OR7A5: variants seen among roughly 807,000 people sequenced by gnomAD.
The protein encoded by OR7A5 is olfactory receptor family 7 subfamily A member 5.
For missense variants in OR7A5, 319 were observed against 377.9 expected, an observed-to-expected ratio of 0.84 and a Z score of 1.29; for synonymous variants, 140 against 146.7, an observed-to-expected ratio of 0.95 and a Z score of 0.33.
chr19:14,831,476 G>T (rs10417499), intron 1 of OR7A5, among the ~76,000 whole-genome samples: 43,209 of 151,524 alleles, frequency 0.29, 6,741 homozygotes, highest in East Asian at 0.56. Flanking sequence ...ACAGAGTCTC[G>T]CTCTGTCGCC....
chr19:14,828,451 A>G (rs1220882337), intron 1 of OR7A5, among the ~76,000 whole-genome samples, 197 bp from the exon 2 acceptor site: 3 of 152,190 alleles, frequency 2.0e-5, no homozygotes, highest in Non-Finnish European at 4.4e-5. Flanking sequence ...AAGACAGCGT[A>G]CATTCTGCAG....
intron 1 of OR7A5, 73 bp from the exon 2 acceptor site, chr19:14,828,327 T>C: frequency 1.5e-6 from 2 of 1,360,876 alleles, no homozygotes; most frequent in Non-Finnish European, 2.0e-6. Context: ...ATACCATCAT[T>C]TATATTTTAT....
At position 14,827,326 on chromosome 19, in the gene OR7A5, A is replaced by G; in HGVS notation, c.916T>C (p.Leu306=). The part of the protein sequence containing the change: ...DIKRALGIHL[L]WGTMKGQFFK... Reference sequence around the variant, plus strand: ...AATTGCCCTTTCATTGTTCCCCACAACAAATGTATTCCCAGAGCCCTCTTT... The same window carrying G: ...AATTGCCCTTTCATTGTTCCCCACAGCAAATGTATTCCCAGAGCCCTCTTT... The change falls in exon 2 of 2, where the codon TTG becomes CTG. Residue 306 remains leucine (L), a synonymous_variant. Transcript: ENST00000322301. The G allele has an allele frequency of 6.3e-7, 1 of 1,580,752 alleles. No homozygotes were observed. The highest frequency in any genetic ancestry group is 8.6e-7 in the Non-Finnish European group (1 of 1,167,008).
chr19:14,827,697 T>C lies in OR7A5; in HGVS notation c.545A>G (p.Asn182Ser), dbSNP rs772801138. 1.9e-6 allele frequency: 3 copies of C among 1,614,022 alleles called. No homozygotes were observed. Among genetic ancestry groups the C allele is most frequent in the Non-Finnish European group, 1.7e-6 (2 of 1,180,030 alleles). The part of the protein sequence containing the change: ...LEIPHFFCEL[N>S]QVIQLACSDS... The stretch of plus-strand genomic sequence containing the variant: ...AGAACAAGCAAGTTGGATGACCTGA[T>C]TAAGTTCACAGAAAAAGTGGGGGAT... Residue 182 changes from asparagine to serine, a missense_variant, in exon 2 of 2, where the codon AAT becomes AGT. Asn to Ser is a conservative substitution (Grantham distance 46, BLOSUM62 1). Coordinates refer to ENST00000322301, the MANE Select transcript of OR7A5 (RefSeq NM_017506.2).
intron 1 of OR7A5, among the ~76,000 whole-genome samples, chr19:14,829,613 G>A (rs898662962): frequency 1.3e-5 from 2 of 152,166 alleles, no homozygotes; most frequent in Non-Finnish European, 2.9e-5. Context: ...GCAGAATAAG[G>A]GGACCTGGCT....
chr19:14,826,742 G>C lies in OR7A5; in HGVS notation c.*540C>G, dbSNP rs1240195514. On this transcript the variant is annotated 3_prime_UTR_variant, in exon 2 of 2. Coordinates refer to ENST00000322301, the MANE Select transcript of OR7A5 (RefSeq NM_017506.2). The stretch of plus-strand genomic sequence containing the variant: ...TTTTTGCCTTACCGTACTATGCCAG[G>C]GAGTATGGCAGATACTGTGGACATG... 1 of 152,242 alleles carries C rather than the reference G, an allele frequency of 6.6e-6. No individual in the cohort carries two copies. Among genetic ancestry groups the C allele is most frequent in the Non-Finnish European group, 1.5e-5 (1 of 68,098 alleles). The allele number at this position is 152,242 out of a possible 1,614,324, so 9.4% of individuals were successfully genotyped here.
chr19:14,833,288 G>A (rs1437353436), intron 1 of OR7A5, among the ~76,000 whole-genome samples: 1 of 152,218 alleles, frequency 6.6e-6, no homozygotes, highest in East Asian at 1.9e-4. Flanking sequence ...AGACCAGCCT[G>A]GGCAATATGG....
At chr19:14,828,820 A>G (rs2145080127) in intron 1 of OR7A5, among the ~76,000 whole-genome samples, 1 of 151,270 alleles carries the variant, frequency 6.6e-6, no homozygotes, top group Non-Finnish European at 1.5e-5. Context: ...TTTGAGGAAT[A>G]TAAATTGAAT....
Position 14,827,423 on chromosome 19 carries a change from T to C in OR7A5, c.819A>G (p.Thr273=). The change falls in exon 2 of 2, where the codon ACA becomes ACG. Residue 273 remains threonine (T), a synonymous_variant. Transcript: ENST00000322301. ...TGACCACAGTGTACATCACTGAGGC[T>C]GTTGCACTTGAGTGTGAGTTGCGGG... is the stretch of plus-strand genomic sequence containing the variant. The part of the protein sequence containing the change: ...AATRNSHSSA[T]ASVMYTVVTP... 6.2e-7 allele frequency: 1 copy of C among 1,614,178 alleles called. No individual in the cohort carries two copies. The highest frequency in any genetic ancestry group is 1.1e-5 in the South Asian group (1 of 91,078).
chr19:14,829,419 T>A (rs971369984), intron 1 of OR7A5, among the ~76,000 whole-genome samples: 7 of 152,308 alleles, frequency 4.6e-5, no homozygotes, highest in Non-Finnish European at 1.0e-4. Flanking sequence ...GTCAGGCTGG[T>A]CTTGAACTCC....
chr19:14,830,965 G>A (rs1187395784), intron 1 of OR7A5, among the ~76,000 whole-genome samples: 1 of 152,154 alleles, frequency 6.6e-6, no homozygotes, highest in Admixed American at 6.5e-5. Flanking sequence ...TCTTCAGCTC[G>A]CAGCACAAGC....
chr19:14,830,178 A>G (rs2044817181), intron 1 of OR7A5, among the ~76,000 whole-genome samples: 1 of 152,184 alleles, frequency 6.6e-6, no homozygotes, highest in East Asian at 1.9e-4. Context: ...AAAGCTTTTA[A>G]TATCAGATTC....
intron 1 of OR7A5, among the ~76,000 whole-genome samples, chr19:14,830,419 G>A (rs1393012047): frequency 1.3e-5 from 2 of 152,088 alleles, no homozygotes; most frequent in Non-Finnish European, 2.9e-5. Context: ...TACATTGCAA[G>A]GGTGCAACGG....
At chr19:14,830,508 C>G (rs2044820985) in intron 1 of OR7A5, among the ~76,000 whole-genome samples, 1 of 152,100 alleles carries the variant, frequency 6.6e-6, no homozygotes, top group Non-Finnish European at 1.5e-5. Flanking sequence ...ATAAAAGCGA[C>G]CCTGGTTATG....
In OR7A5 at chr19:14,827,650, C is replaced by G; in HGVS notation, c.592G>C (p.Val198Leu). Residue 198 changes from valine (V) to leucine (L), a missense_variant, in exon 2 of 2, where the codon GTG (valine) becomes CTG (leucine). Val to Leu is a conservative substitution (Grantham distance 32). Transcript: ENST00000322301. ...ACSDSFLNHM[V>L]IYFTVALLGG... ...AGCAGCGCAACTGTAAAATATATCACCATGTGATTAAGAAAGCTATCAGAA... is the reference window on the plus strand; with the variant it reads ...AGCAGCGCAACTGTAAAATATATCAGCATGTGATTAAGAAAGCTATCAGAA... The G allele has an allele frequency of 6.2e-7, 1 of 1,614,162 alleles. No individual in the cohort carries two copies. Among genetic ancestry groups the G allele is most frequent in the Non-Finnish European group, 8.5e-7 (1 of 1,180,032 alleles).
chr19:14,830,610 A>C (rs1375836089), intron 1 of OR7A5, among the ~76,000 whole-genome samples: 1 of 152,216 alleles, frequency 6.6e-6, no homozygotes, highest in African/African-American at 2.4e-5. Flanking sequence ...TATTGACTTC[A>C]TGGTTTTTAA....
Position 14,826,403 on chromosome 19 carries a change from G to A in OR7A5, c.*879C>T, listed in dbSNP as rs2044768097. 1 of 152,162 alleles carries A rather than the reference G, an allele frequency of 6.6e-6. No homozygotes were observed. The highest frequency in any genetic ancestry group is 1.5e-5 in the Non-Finnish European group (1 of 68,020). The allele number at this position is 152,162 out of a possible 1,614,324, so 9.4% of individuals were successfully genotyped here. ...GGTATTTTGGTTAGTGGGATAGAAG[G>A]ATTCGTATTTGTAGGGAGCACTAAA... On this transcript the variant is annotated 3_prime_UTR_variant, in exon 2 of 2. Coordinates refer to ENST00000322301, the MANE Select transcript of OR7A5 (RefSeq NM_017506.2).
chr19:14,831,143 G>A (rs1250295418), intron 1 of OR7A5, among the ~76,000 whole-genome samples: 1 of 152,052 alleles, frequency 6.6e-6, no homozygotes, highest in Non-Finnish European at 1.5e-5. Context: ...CATGATGCCG[G>A]CCCCAGATAG....
intron 1 of OR7A5, among the ~76,000 whole-genome samples, chr19:14,828,955 C>A (rs1254243697): frequency 7.1e-6 from 1 of 140,730 alleles, no homozygotes; most frequent in African/African-American, 2.6e-5. Flanking sequence ...ACAAATTAAA[C>A]AATCACATAA....
Sources: gnomAD v4.1 joint callset for allele counts (sites outside exome capture counted in the v4.1 genomes callset) on GRCh38, gnomAD v4.1.1 for gene constraint, MANE v1.5 for transcripts, NCBI Gene and HGNC (gene_info 2026-07-23, HGNC 2026-07-21) for gene names.